WDR90: variants seen among roughly 807,000 people sequenced by gnomAD.
WDR90 encodes the protein WD repeat-containing protein 90.
WDR90 carries 238 observed loss-of-function variants against 195.2 expected under a neutral mutation model. The ratio of observed to expected loss-of-function variants is 1.22; its 90% CI spans 1.10 to 1.36. The LOEUF (loss-of-function observed/expected upper bound fraction) is 1.36. WDR90 is among the 40% of genes most tolerant of loss of function. The probability of loss-of-function intolerance (pLI) is 0.00; values close to 1 mark genes in which losing one functional copy is unlikely to be tolerated. For synonymous variants in WDR90, 1,265 were observed against 1,052.4 expected, an observed-to-expected ratio of 1.20 and a Z score of -3.91; for missense variants, 2,734 against 2,439.5, an observed-to-expected ratio of 1.12 and a Z score of -2.54.
At position 653,620 on chromosome 16, in the gene WDR90, G is replaced by T; in HGVS notation, c.1329G>T (p.Gly443=). The T allele has an allele frequency of 2.5e-6, 4 of 1,613,528 alleles. No homozygotes were observed. Among genetic ancestry groups the T allele is most frequent in the Non-Finnish European group, 3.4e-6 (4 of 1,180,004 alleles). ...TGCGGCTCTGGGACTTCCAGACCGG[G>T]CGGTGCTTGTGCCTGTTCCGGAGCC... The part of the protein sequence containing the change: ...SVMRLWDFQT[G]RCLCLFRSPM... The change falls in exon 12 of 41, where the codon GGG becomes GGT. Residue 443 remains glycine, a synonymous_variant. Transcript: ENST00000293879.
At chr16:654,689 G>A in intron 13 of WDR90, 1 of 324,728 alleles carries the variant, frequency 3.1e-6, no homozygotes, top group Non-Finnish European at 5.8e-6. Context: ...GGCTCAAGCA[G>A]TCCTCCCACC....
intron 20 of WDR90, 123 bp downstream of exon 20, chr16:657,344 G>T (rs1596463582): frequency 1.4e-6 from 2 of 1,387,908 alleles, no homozygotes; most frequent in South Asian, 3.0e-5. Context: ...CTGTGGGGGG[G>T]CGTGGCCGCC....
At position 658,593 on chromosome 16, in the gene WDR90, T is replaced by A; in HGVS notation, c.2835T>A (p.Ile945=). The A allele has an allele frequency of 1.2e-6, 2 of 1,612,692 alleles. No individual in the cohort carries two copies. The highest frequency in any genetic ancestry group is 1.7e-6 in the Non-Finnish European group (2 of 1,179,904). ...TLSEDARFLL[I]AAGRTIKVWD... is the part of the protein sequence containing the mutation. ...GTGAGGACGCCCGCTTCCTGCTGAT[T>A]GCCGCCGGCCGGACCATCAAGGTGT... The change falls in exon 23 of 41, where the codon ATT becomes ATA. Residue 945 remains isoleucine (I), a synonymous_variant. Transcript: ENST00000293879.
chr16:649,819 C>T lies in WDR90; in HGVS notation c.67C>T (p.Arg23Cys), dbSNP rs779501690. 3.2e-6 allele frequency: 5 copies of T among 1,582,300 alleles called. No individual in the cohort carries two copies. Among genetic ancestry groups the T allele is most frequent in the Non-Finnish European group, 4.3e-6 (5 of 1,164,808 alleles). The change falls in exon 2 of 41, where the codon CGC (arginine) becomes TGC (cysteine). Residue 23 changes from arginine to cysteine, a missense_variant. Transcript: ENST00000293879. ...FRHFRVDEWK[R>C]SAKQGDVAVV... ...ACACTTCCGGGTGGACGAGTGGAAG[C>T]GCTCCGCCAAGCAGGGGGACGTGGC...
intron 19 of WDR90, 68 bp from the exon 20 acceptor site, chr16:657,023 A>T: frequency 6.4e-7 from 1 of 1,573,664 alleles, no homozygotes; most frequent in Non-Finnish European, 8.6e-7. Flanking sequence ...GGTTGGCTGG[A>T]GGTCGAGGGA....
chr16:649,609 C>A, intron 1 of WDR90, 154 bp from the exon 2 acceptor site: 1 of 1,131,716 alleles, frequency 8.8e-7, no homozygotes, highest in Non-Finnish European at 1.1e-6. Flanking sequence ...CTCGGGCGCC[C>A]GGCCTCGTCC....
rs750287684 is a variant in WDR90, at chr16:661,113, C to G, written c.3454C>G (p.Gln1152Glu). The G allele has an allele frequency of 3.2e-6, 5 of 1,563,966 alleles. No individual in the cohort carries two copies. The South Asian group carries it at 4.6e-5, about 14-fold the overall frequency. The change falls in exon 29 of 41, where the codon CAG becomes GAG. Residue 1152 changes from glutamine to glutamate, a missense_variant. Gln to Glu is a conservative substitution (Grantham distance 29, BLOSUM62 2). Transcript: ENST00000293879. ...GGAGGACCTGCACTCTGGCGCCCAGCAGCACTGGTCCGGCCACTCTGCGGA... is the reference window on the plus strand; with the variant it reads ...GGAGGACCTGCACTCTGGCGCCCAGGAGCACTGGTCCGGCCACTCTGCGGA... ...VVEDLHSGAQ[Q>E]HWSGHSAEIS... is the part of the protein sequence containing the mutation.
intron 33 of WDR90, 66 bp from the exon 34 acceptor site, chr16:662,613 C>G: frequency 4.0e-6 from 6 of 1,509,844 alleles, no homozygotes; most frequent in Non-Finnish European, 1.8e-6. Context: ...GGCTGGGGAC[C>G]CAGCTGGCTC....
intron 33 of WDR90, 124 bp downstream of exon 33, chr16:662,455 C>A: frequency 7.6e-7 from 1 of 1,317,480 alleles, no homozygotes; most frequent in Non-Finnish European, 1.0e-6. Flanking sequence ...CTAGCCCCTC[C>A]AAGGGACAGG....
Position 650,175 on chromosome 16 carries a change from G to C in WDR90, c.279+8G>C. The C allele has an allele frequency of 6.2e-7, 1 of 1,611,624 alleles. No homozygotes were observed. The highest frequency in any genetic ancestry group is 1.1e-5 in the South Asian group (1 of 91,070). The stretch of plus-strand genomic sequence containing the variant: ...CTCGATGTGTCCTCCAAGGTACGGA[G>C]CCCGCGGCTGGGGGCTGCGTGGGAG... On this transcript the variant is annotated splice_region_variant and intron_variant, in intron 3 of 40. Coordinates refer to ENST00000293879, the MANE Select transcript of WDR90 (RefSeq NM_145294.5).
In WDR90 at chr16:651,279, G is replaced by C. The variant is rs2037641853; in HGVS notation, c.736+13G>C. The C allele has an allele frequency of 6.2e-7, 1 of 1,612,630 alleles. No individual in the cohort carries two copies. Among genetic ancestry groups the C allele is most frequent in the South Asian group, 1.1e-5 (1 of 91,070 alleles). On this transcript the variant is annotated intron_variant, in intron 7 of 40. Coordinates refer to ENST00000293879, the MANE Select transcript of WDR90 (RefSeq NM_145294.5). ...CCTCCTGAGGCAGGTGGGTCTGGGG[G>C]GTCAGCGGGGACCCAGGTTAAGGCC...
At chr16:660,893 C>A in intron 28 of WDR90, 158 bp from the exon 29 acceptor site, 1 of 865,388 alleles carries the variant, frequency 1.2e-6, no homozygotes, top group Non-Finnish European at 1.6e-6. Context: ...ACTTTGGCTA[C>A]TGGACGCTGG....
chr16:656,425 G>T lies in WDR90; in HGVS notation c.2090G>T (p.Arg697Leu). ...TCCCGGGTGTACCACATGCTGGCTC[G>T]CTCCCACACCGCCCCGGTGTTGGCC... is the stretch of plus-strand genomic sequence containing the variant. Reference protein sequence around the residue: ...TLSRVYHMLARSHTAPVLALA... With the variant: ...TLSRVYHMLALSHTAPVLALA... The change falls in exon 18 of 41, where the codon CGC (arginine) becomes CTC (leucine). Residue 697 changes from arginine to leucine, a missense_variant. Arg to Leu is a moderately radical substitution (Grantham distance 102). Transcript: ENST00000293879. 1.2e-6 allele frequency: 2 copies of T among 1,604,194 alleles called. No homozygotes were observed. The highest frequency in any genetic ancestry group is 8.5e-7 in the Non-Finnish European group (1 of 1,177,960).
rs780082479 is a variant in WDR90, at chr16:649,801, C to T, written c.49C>T (p.Arg17Trp). 12 of 1,578,214 alleles carry T rather than the reference C, an allele frequency of 7.6e-6. No homozygotes were observed. The highest frequency in any genetic ancestry group is 6.7e-5 in the African/African-American group (5 of 74,312). The change falls in exon 2 of 41, where the codon CGG becomes TGG. Residue 17 changes from arginine (R) to tryptophan (W), a missense_variant. Physicochemically the swap from Arg to Trp is moderately radical, Grantham distance 101. Coordinates refer to ENST00000293879, the MANE Select transcript of WDR90 (RefSeq NM_145294.5). ...GTTCCTCAACGTCTTCAGACACTTC[C>T]GGGTGGACGAGTGGAAGCGCTCCGC... ...HPFLNVFRHF[R>W]VDEWKRSAKQ...
In WDR90 at chr16:661,936, A is replaced by T. The variant is rs1567221530; in HGVS notation, c.3910A>T (p.Thr1304Ser). The change falls in exon 32 of 41, where the codon ACC (threonine) becomes TCC (serine). Residue 1304 changes from threonine to serine, a missense_variant. Coordinates refer to ENST00000293879, the MANE Select transcript of WDR90 (RefSeq NM_145294.5). ...AGAGGCAGTGGGGGCTGGAGAGCTG[A>T]CCTCGCTCTGCTACGGGGCACCTCC... ...VPEAVGAGEL[T>S]SLCYGAPPLL... is the part of the protein sequence containing the mutation. 1 of 1,608,932 alleles carries T rather than the reference A, an allele frequency of 6.2e-7. No individual in the cohort carries two copies. Among genetic ancestry groups the T allele is most frequent in the Non-Finnish European group, 8.5e-7 (1 of 1,179,832 alleles).
At position 658,772 on chromosome 16, in the gene WDR90, C is replaced by G. The variant is rs575857112; in HGVS notation, c.2895+119C>G. 9.7e-6 allele frequency: 15 copies of G among 1,551,166 alleles called. No individual in the cohort carries two copies. In the South Asian group the frequency reaches 1.7e-4, roughly 17 times the overall value. On this transcript the variant is annotated intron_variant, in intron 23 of 40. Coordinates refer to ENST00000293879, the MANE Select transcript of WDR90 (RefSeq NM_145294.5). ...CAGAAGGTGAGGGGTGAGAGTGACC[C>G]CCCAAGGATCCTCTGTGCCTCCGGG...
chr16:653,827 TGG>T, intron 13 of WDR90, 24 bp downstream of exon 13: 1 of 1,612,666 alleles, frequency 6.2e-7, no homozygotes, highest in Non-Finnish European at 8.5e-7. Context: ...GGCTGCGGGT[TGG>T]GGTGGGGCTG....
chr16:658,775 C>A (rs1168331215), intron 23 of WDR90, 121 bp from the exon 24 acceptor site: 18 of 1,552,668 alleles, frequency 1.2e-5, no homozygotes, highest in Non-Finnish European at 1.6e-5. Flanking sequence ...AGTGACCCCC[C>A]AAGGATCCTC....
Position 659,907 on chromosome 16 carries a change from T to G in WDR90, c.3185-151T>G. 8 of 632,630 alleles carry G rather than the reference T, an allele frequency of 1.3e-5. No individual in the cohort carries two copies. The South Asian group carries it at 1.5e-4, about 12-fold the overall frequency. 39.2% of individuals were successfully genotyped at this position (632,630 alleles called of 1,614,324 possible). A position where few individuals can be genotyped will look rare whatever the true frequency, so the allele number is the denominator to read the frequency against. On this transcript the variant is annotated intron_variant, in intron 26 of 40. Transcript: ENST00000293879. Reference sequence around the variant, plus strand: ...CAAGGTCACCTGCAGTGGGACACGGTTTGCCTGCGTCTGTGGCTCCGGCCT... The same window carrying G: ...CAAGGTCACCTGCAGTGGGACACGGGTTGCCTGCGTCTGTGGCTCCGGCCT...
Sources: gnomAD v4.1 joint callset for allele counts on GRCh38, gnomAD v4.1.1 for gene constraint, MANE v1.5 for transcripts, NCBI Gene and HGNC (gene_info 2026-07-23, HGNC 2026-07-21) for gene names.